SGCZ: variants seen among roughly 807,000 people sequenced by gnomAD.
SGCZ encodes the protein sarcoglycan zeta, also known as zeta-sarcoglycan.
A neutral mutation model predicts 41.3 loss-of-function variants in SGCZ; 40 were observed. The observed-to-expected ratio is 0.97, with a 90% CI of 0.75 to 1.26. The LOEUF is 1.26. Ranked by LOEUF, SGCZ falls within the 50% of genes most tolerant of loss-of-function variation. The probability of loss-of-function intolerance (pLI) is 0.00; values close to 1 mark genes in which losing one functional copy is unlikely to be tolerated. For missense variants in SGCZ, 552 were observed against 369.8 expected (o/e 1.49, Z -4.04); for synonymous variants, 206 against 137.5 (o/e 1.50, Z -3.49).
intron 5 of SGCZ, among the ~76,000 whole-genome samples, chr8:14,153,662 C>A (rs752300587): frequency 2.0e-4 from 31 of 152,120 alleles, no homozygotes; most frequent in Non-Finnish European, 3.4e-4. Flanking sequence ...TATAAACCCC[C>A]TACCAAGCCA....
intron 5 of SGCZ, among the ~76,000 whole-genome samples, chr8:14,139,146 G>GA (rs747728622): frequency 6.6e-6 from 1 of 151,774 alleles, no homozygotes; most frequent in African/African-American, 2.4e-5. Flanking sequence ...AAACCAATGA[G>GA]AAAAAAAAGA....
chr8:14,479,745 T>TTCTTTTTC (rs1411338139), intron 2 of SGCZ, among the ~76,000 whole-genome samples: 27 of 102,034 alleles, frequency 2.6e-4, no homozygotes, highest in African/African-American at 9.6e-4. Context: ...TTTTTTTTTT[T>TTCTTTTTC]TTTTTTTTTT....
intron 1 of SGCZ, among the ~76,000 whole-genome samples, chr8:14,930,346 G>A (rs1289244452): frequency 1.3e-5 from 2 of 152,016 alleles, no homozygotes; most frequent in Non-Finnish European, 2.9e-5. Context: ...ACAGATGCTC[G>A]AGAGGATGTG....
At chr8:14,409,527 A>G (rs1055598862) in intron 2 of SGCZ, among the ~76,000 whole-genome samples, 1 of 152,146 alleles carries the variant, frequency 6.6e-6, no homozygotes, top group Admixed American at 6.6e-5. Context: ...TGGCTGCCTC[A>G]TAAGAACTTA....
At chr8:14,760,072 G>A (rs1563251056) in intron 1 of SGCZ, among the ~76,000 whole-genome samples, 3 of 152,028 alleles carry the variant, frequency 2.0e-5, no homozygotes, top group Non-Finnish European at 2.9e-5. Flanking sequence ...CCCACCACCC[G>A]CCCCATGATG....
At chr8:14,800,345 G>A (rs1801282776) in intron 1 of SGCZ, among the ~76,000 whole-genome samples, 1 of 152,088 alleles carries the variant, frequency 6.6e-6, no homozygotes, top group African/African-American at 2.4e-5. Flanking sequence ...ACTATAGATA[G>A]AGCAAAAAGA....
intron 2 of SGCZ, among the ~76,000 whole-genome samples, chr8:14,454,079 C>T (rs907757287): frequency 3.3e-5 from 5 of 152,260 alleles, no homozygotes; most frequent in South Asian, 2.1e-4. Context: ...TCTACGATGA[C>T]GTCCGCAGCA....
intron 1 of SGCZ, among the ~76,000 whole-genome samples, chr8:14,874,630 C>T (rs551785767): frequency 4.3e-4 from 66 of 152,206 alleles, no homozygotes; most frequent in African/African-American, 1.5e-3. Flanking sequence ...CATTGCCTTT[C>T]TTAAATTCAG....
chr8:14,146,420 G>A (rs1448557950), intron 5 of SGCZ, among the ~76,000 whole-genome samples: 1 of 152,096 alleles, frequency 6.6e-6, no homozygotes, highest in Non-Finnish European at 1.5e-5. Context: ...CATCAGCTCT[G>A]TCTTAGAAGA....
chr8:14,450,475 T>C (rs1800560141), intron 2 of SGCZ, among the ~76,000 whole-genome samples: 1 of 152,196 alleles, frequency 6.6e-6, no homozygotes, highest in Non-Finnish European at 1.5e-5. Flanking sequence ...AGAAAATGTC[T>C]GTGTTGAAGT....
intron 1 of SGCZ, among the ~76,000 whole-genome samples, chr8:14,799,476 A>G (rs1801244091): frequency 6.6e-6 from 1 of 152,094 alleles, no homozygotes; most frequent in Non-Finnish European, 1.5e-5. Context: ...CTCTGGTGAA[A>G]GAAAGATCCA....
intron 1 of SGCZ, among the ~76,000 whole-genome samples, chr8:15,053,058 T>C (rs764840804): frequency 1.8e-4 from 28 of 152,154 alleles, no homozygotes; most frequent in Middle Eastern, 3.2e-3. Flanking sequence ...TCTAAATCTA[T>C]ACTCTAACCC....
intron 1 of SGCZ, among the ~76,000 whole-genome samples, chr8:15,005,214 G>C (rs1802561434): frequency 6.6e-6 from 1 of 151,942 alleles, no homozygotes; most frequent in Non-Finnish European, 1.5e-5. Context: ...AAAAGGCATG[G>C]TACCAAAAGG....
At chr8:14,883,972 A>C (rs967024997) in intron 1 of SGCZ, among the ~76,000 whole-genome samples, 1 of 152,086 alleles carries the variant, frequency 6.6e-6, no homozygotes, top group Non-Finnish European at 1.5e-5. Context: ...CTTACTTATC[A>C]TATATTTAGA....
chr8:15,195,827 TAACAC>T (rs1228448216), intron 1 of SGCZ, among the ~76,000 whole-genome samples: 2 of 152,056 alleles, frequency 1.3e-5, no homozygotes, highest in Non-Finnish European at 2.9e-5. Flanking sequence ...AAATGAGACT[TAACAC>T]AAGCTAATAG....
chr8:15,144,165 G>A (rs756039850), intron 1 of SGCZ, among the ~76,000 whole-genome samples: 11 of 152,176 alleles, frequency 7.2e-5, no homozygotes, highest in Non-Finnish European at 1.3e-4. Context: ...TTTGAAGTTG[G>A]TGTAATAAAA....
chr8:14,319,884 T>C (rs1801859393), intron 3 of SGCZ, among the ~76,000 whole-genome samples: 1 of 152,098 alleles, frequency 6.6e-6, no homozygotes, highest in Non-Finnish European at 1.5e-5. Flanking sequence ...TTCAGCTTCT[T>C]AATGGTATTT....
chr8:14,161,421 T>C (rs1262957152), intron 5 of SGCZ: 1 of 152,202 alleles, frequency 6.6e-6, no homozygotes, highest in East Asian at 1.9e-4. Flanking sequence ...CTCTAGGGTG[T>C]GTAAGTGGTA....
intron 1 of SGCZ, among the ~76,000 whole-genome samples, chr8:15,183,358 T>C (rs1050967973): frequency 2.6e-5 from 4 of 152,226 alleles, no homozygotes; most frequent in African/African-American, 9.6e-5. Flanking sequence ...TGTATTGTAA[T>C]ACTTCATTTT....
Sources: allele counts gnomAD v4.1 joint callset (sites outside exome capture counted in the v4.1 genomes callset), GRCh38; gene constraint gnomAD v4.1.1; transcripts MANE v1.5; gene names NCBI Gene and HGNC (gene_info 2026-07-23, HGNC 2026-07-21).